Variants in XRCC4 observed in about 807,000 individuals in gnomAD.
The protein encoded by XRCC4 is X-ray repair cross complementing 4.
XRCC4 carries 28 observed loss-of-function variants against 39.1 expected under a neutral mutation model. The ratio of observed to expected loss-of-function variants is 0.72; its 90% CI spans 0.53 to 0.98. The LOEUF (loss-of-function observed/expected upper bound fraction) is 0.98. Ranked by LOEUF, XRCC4 falls within the 50% of genes least tolerant of loss-of-function variation. The pLI is 0.00. For synonymous variants in XRCC4, 123 were observed against 126.4 expected (o/e 0.97, Z 0.18); for missense variants, 350 against 376.4 (o/e 0.93, Z 0.58).
At chr5:83,156,946 A>T (rs1024553255) in intron 3 of XRCC4, among the ~76,000 whole-genome samples, 2 of 152,092 alleles carry the variant, frequency 1.3e-5, no homozygotes, top group African/African-American at 4.8e-5. Flanking sequence ...GGATTTGTTT[A>T]AGGCTTGTAA....
chr5:83,265,071 A>C (rs922424174), intron 7 of XRCC4, among the ~76,000 whole-genome samples: 1 of 152,164 alleles, frequency 6.6e-6, no homozygotes, highest in Non-Finnish European at 1.5e-5. Flanking sequence ...TGACCATTCC[A>C]TCTTTTCAAA....
At chr5:83,244,887 T>C (rs1753044825) in intron 6 of XRCC4, among the ~76,000 whole-genome samples, 1 of 152,220 alleles carries the variant, frequency 6.6e-6, no homozygotes, top group Non-Finnish European at 1.5e-5. Context: ...TAAACATAAG[T>C]TTGGCATAGA....
At chr5:83,127,337 C>G (rs796339208) in intron 3 of XRCC4, among the ~76,000 whole-genome samples, 3 of 152,090 alleles carry the variant, frequency 2.0e-5, no homozygotes, top group African/African-American at 7.2e-5. Context: ...GTGGGAGGGA[C>G]CTGGTAGATG....
chr5:83,078,567 T>G (rs1744788496), intron 1 of XRCC4, among the ~76,000 whole-genome samples: 1 of 152,242 alleles, frequency 6.6e-6, no homozygotes, highest in African/African-American at 2.4e-5. Flanking sequence ...ACACAATGAT[T>G]AGAAGATTTG....
chr5:83,369,921 T>C, the XRCC4 span, among the ~76,000 whole-genome samples: 1 of 152,218 alleles, frequency 6.6e-6, no homozygotes, highest in African/African-American at 2.4e-5. Context: ...CTGTTATTTC[T>C]TGATGTTTTA....
chr5:83,312,861 T>A (rs1755751849), intron 7 of XRCC4, among the ~76,000 whole-genome samples: 1 of 152,148 alleles, frequency 6.6e-6, no homozygotes, highest in African/African-American at 2.4e-5. Flanking sequence ...GAAGCTCAAA[T>A]TGAGGAACTG....
At chr5:83,309,755 C>CAAAAAAA (rs10597317) in intron 7 of XRCC4, among the ~76,000 whole-genome samples, 1 of 79,052 alleles carries the variant, frequency 1.3e-5, no homozygotes, top group African/African-American at 4.5e-5. Context: ...AGACCCGTCT[C>CAAAAAAA]AAAAAAAAAA....
chr5:83,371,923 G>A, the XRCC4 span, among the ~76,000 whole-genome samples: 1 of 152,182 alleles, frequency 6.6e-6, no homozygotes, highest in African/African-American at 2.4e-5. Context: ...CTGATAAAAT[G>A]TGCTAGGACA....
chr5:83,346,930 G>T (rs1756934158), intron 7 of XRCC4, among the ~76,000 whole-genome samples: 1 of 152,004 alleles, frequency 6.6e-6, no homozygotes, highest in Non-Finnish European at 1.5e-5. Context: ...TTAGATACAG[G>T]TTCTCTGAGT....
chr5:83,101,499 CTAAT>C (rs1398147729), intron 1 of XRCC4, among the ~76,000 whole-genome samples: 1 of 151,566 alleles, frequency 6.6e-6, no homozygotes, highest in African/African-American at 2.4e-5. Context: ...AGTAGGATCA[CTAAT>C]TAACAGTTTT....
At chr5:83,083,368 A>G (rs1745040933) in intron 1 of XRCC4, among the ~76,000 whole-genome samples, 3 of 141,962 alleles carry the variant, frequency 2.1e-5, no homozygotes, top group Admixed American at 1.4e-4. Context: ...GGGTGTTTGA[A>G]TCTGTAATTT....
chr5:83,278,891 G>A (rs935536436), intron 7 of XRCC4, among the ~76,000 whole-genome samples: 1 of 150,648 alleles, frequency 6.6e-6, no homozygotes, highest in African/African-American at 2.4e-5. Flanking sequence ...AGGGGGCTGA[G>A]GCAGGAGAAT....
intron 1 of XRCC4, among the ~76,000 whole-genome samples, chr5:83,078,526 C>T (rs764636764): frequency 1.1e-4 from 16 of 152,122 alleles, no homozygotes; most frequent in Non-Finnish European, 1.9e-4. Flanking sequence ...GAACTGTATT[C>T]GGCCTATGAG....
chr5:83,183,412 TTGTGTGTG>T (rs369446374), intron 3 of XRCC4, among the ~76,000 whole-genome samples: 3,576 of 139,404 alleles, frequency 0.026, 69 homozygotes, highest in Non-Finnish European at 0.031. Context: ...TTTCATTTAT[TTGTGTGTG>T]TGTGTGTGTG....
intron 4 of XRCC4, among the ~76,000 whole-genome samples, chr5:83,200,539 T>G (rs945369567): frequency 2.1e-4 from 32 of 151,994 alleles, no homozygotes; most frequent in African/African-American, 7.7e-4. Flanking sequence ...ATATTTATTT[T>G]CACTTTGAAT....
chr5:83,134,018 C>T (rs372827854), intron 3 of XRCC4, among the ~76,000 whole-genome samples: 4 of 152,180 alleles, frequency 2.6e-5, no homozygotes, highest in South Asian at 2.1e-4. Context: ...CAGGTGAGCA[C>T]GGGCTGGGCA....
At chr5:83,182,882 A>C (rs998087461) in intron 3 of XRCC4, among the ~76,000 whole-genome samples, 1 of 152,088 alleles carries the variant, frequency 6.6e-6, no homozygotes, top group Non-Finnish European at 1.5e-5. Flanking sequence ...TTGATCTTAG[A>C]CTTCCTAGCT....
At chr5:83,312,873 T>A in intron 7 of XRCC4, among the ~76,000 whole-genome samples, 1 of 152,140 alleles carries the variant, frequency 6.6e-6, no homozygotes, top group East Asian at 1.9e-4. Context: ...GAGGAACTGA[T>A]TTTTCTTAGT....
At chr5:83,123,837 A>G (rs1374330098) in intron 3 of XRCC4, among the ~76,000 whole-genome samples, 2 of 152,126 alleles carry the variant, frequency 1.3e-5, no homozygotes, top group Non-Finnish European at 2.9e-5. Flanking sequence ...TATTGTGGTC[A>G]TACATTTTAC....
Sources: gnomAD v4.1 joint callset for allele counts (sites outside exome capture counted in the v4.1 genomes callset) on GRCh38, gnomAD v4.1.1 for gene constraint, MANE v1.5 for transcripts, NCBI Gene and HGNC (gene_info 2026-07-23, HGNC 2026-07-21) for gene names.